The following TSPOAP1 variants were observed in gnomAD, a reference collection of about 807,000 sequenced individuals.
TSPOAP1 encodes the protein TSPO associated protein 1.
A neutral mutation model predicts 197.0 loss-of-function variants in TSPOAP1; 87 were observed. The ratio of observed to expected loss-of-function variants is 0.44; its 90% CI spans 0.37 to 0.53. The LOEUF is 0.53. TSPOAP1 is among the 20% of genes least tolerant of loss of function. The pLI, the probability that TSPOAP1 is intolerant of heterozygous loss-of-function variation, is 0.00. For missense variants in TSPOAP1, 2,174 were observed against 2,411.3 expected (o/e 0.90, Z 2.06); for synonymous variants, 913 against 998.9 (o/e 0.91, Z 1.62).
chr17:58,307,057 CA>C (rs1970920398), intron 24 of TSPOAP1, 89 bp from the exon 25 acceptor site: 3 of 1,374,808 alleles, frequency 2.2e-6, no homozygotes, highest in Non-Finnish European at 3.0e-6. Flanking sequence ...CTTGGAAATG[CA>C]GAAGAATGTT....
Position 58,309,840 on chromosome 17 carries a change from C to T in TSPOAP1, c.3891+127G>A, listed in dbSNP as rs1971025758. On this transcript the variant is annotated intron_variant, in intron 21 of 31. Coordinates refer to ENST00000343736, the MANE Select transcript of TSPOAP1 (RefSeq NM_004758.4). This position sits in a 1 kb window ranked among gnomAD's most constrained non-coding sequence, Gnocchi z 5.0. ...GGCACTTCCTATCTTCTGCTTAGGA[C>T]AGGGCCCAGGCCACAGACCTAGAAT... The T allele has an allele frequency of 4.7e-6, 6 of 1,283,524 alleles. No homozygotes were observed. Among genetic ancestry groups the T allele is most frequent in the Non-Finnish European group, 6.4e-6 (6 of 935,342 alleles). The allele number at this position is 1,283,524 out of a possible 1,614,324, so 79.5% of individuals were successfully genotyped here.
Position 58,326,833 on chromosome 17 carries a change from G to C in TSPOAP1, c.334-43C>G. The C allele has an allele frequency of 6.5e-7, 1 of 1,538,720 alleles. No homozygotes were observed. Among genetic ancestry groups the C allele is most frequent in the Non-Finnish European group, 9.0e-7 (1 of 1,112,634 alleles). Reference sequence around the variant, plus strand: ...CGAGGACAGCACCTCAGAAACCCACGTCACCCAGCCAGAGCCTTCCCTGTG... The same window carrying C: ...CGAGGACAGCACCTCAGAAACCCACCTCACCCAGCCAGAGCCTTCCCTGTG... On this transcript the variant is annotated intron_variant, in intron 1 of 31. Transcript: ENST00000343736. This position sits in a 1 kb window ranked among gnomAD's most constrained non-coding sequence, Gnocchi z 4.7.
chr17:58,309,295 C>G lies in TSPOAP1; in HGVS notation c.3977G>C (p.Ser1326Thr). Residue 1326 changes from serine (S) to threonine (T), a missense_variant, in exon 22 of 32, where the codon AGC becomes ACC. This residue lies in a region of TSPOAP1 where 1,933 missense variants were observed against 2,139.0 expected (regional missense o/e 0.90). Transcript: ENST00000343736. The surrounding 1 kb of genome is among the most constrained non-coding windows in gnomAD (Gnocchi z 5.0). ...CTCCGGGATGCTAAAGAGCTTCTTGCTACAGAACTGCTGGAGGGGCAGCTC... is the reference window on the plus strand; with the variant it reads ...CTCCGGGATGCTAAAGAGCTTCTTGGTACAGAACTGCTGGAGGGGCAGCTC... ...ILELPLQQFC[S>T]KKLFSIPEEE... 3 of 1,613,828 alleles carry G rather than the reference C, an allele frequency of 1.9e-6. No homozygotes were observed. Among genetic ancestry groups the G allele is most frequent in the Non-Finnish European group, 2.5e-6 (3 of 1,180,000 alleles).
In TSPOAP1 at chr17:58,327,800, T is replaced by C; in HGVS notation, c.121A>G (p.Ser41Gly). The change falls in exon 1 of 32, where the codon AGC (serine) becomes GGC (glycine). Residue 41 changes from serine (S) to glycine (G), a missense_variant. Ser to Gly is a moderately conservative substitution (Grantham distance 56). Transcript: ENST00000343736. ...GCTGCCGGAGGAGTATCAGCGATGC[T>C]TGGGGCTGCACTGCTAGGTTCACCC... ...RGGEPSSAAP[S>G]IADTPPAALQ... is the part of the protein sequence containing the mutation. 6.2e-7 allele frequency: 1 copy of C among 1,614,156 alleles called. No homozygotes were observed. The highest frequency in any genetic ancestry group is 1.3e-5 in the African/African-American group (1 of 75,054).
At chr17:58,311,400 G>A in intron 18 of TSPOAP1, 171 bp downstream of exon 18, 1 of 1,245,600 alleles carries the variant, frequency 8.0e-7, no homozygotes, top group Non-Finnish European at 1.1e-6. Context: ...TGATGGAACA[G>A]TTCTAAAATC....
Position 58,304,995 on chromosome 17 carries a change from T to C in TSPOAP1, c.5544+66A>G. 2.4e-6 allele frequency: 3 copies of C among 1,250,954 alleles called. No homozygotes were observed. The highest frequency in any genetic ancestry group is 3.5e-6 in the Non-Finnish European group (3 of 848,718). The allele number at this position is 1,250,954 out of a possible 1,614,324, so 77.5% of individuals were successfully genotyped here. A position where few individuals can be genotyped will look rare whatever the true frequency, so the allele number is the denominator to read the frequency against. On this transcript the variant is annotated intron_variant, in intron 30 of 31. Transcript: ENST00000343736. This position sits in a 1 kb window ranked among gnomAD's most constrained non-coding sequence, Gnocchi z 4.2. Reference sequence around the variant, plus strand: ...CTGCACCCCTGCCGCAACACTGCCCTGGCCCTACCACCCCACCAGTAGGGT... The same window carrying C: ...CTGCACCCCTGCCGCAACACTGCCCCGGCCCTACCACCCCACCAGTAGGGT...
intron 26 of TSPOAP1, 86 bp downstream of exon 26, chr17:58,306,256 C>T: frequency 7.6e-7 from 1 of 1,316,830 alleles, no homozygotes; most frequent in Non-Finnish European, 1.1e-6. Context: ...CCTCCCAGCA[C>T]CTGAGAGAAA....
intron 25 of TSPOAP1, 180 bp from the exon 26 acceptor site, chr17:58,306,593 G>T: frequency 1.1e-6 from 1 of 890,606 alleles, no homozygotes; most frequent in Non-Finnish European, 1.7e-6. Context: ...TGGCTGCATG[G>T]CTGTATTCCC....
rs1331433914 is a variant in TSPOAP1 at position 58,307,726 on chromosome 17, T to C, written c.4868A>G (p.Gln1623Arg). 6.2e-7 allele frequency: 1 copy of C among 1,614,068 alleles called. No homozygotes were observed. The highest frequency in any genetic ancestry group is 1.7e-5 in the Admixed American group (1 of 60,012). Reference protein sequence around the residue: ...ARSPSETLAYQHLPVRIFVAL... With the variant: ...ARSPSETLAYRHLPVRIFVAL... The stretch of plus-strand genomic sequence containing the variant: ...CACAAAGATCCTGACGGGTAGGTGC[T>C]GGTAAGCCAGTGTTTCTGAGGGGCT... Residue 1623 changes from glutamine to arginine, a missense_variant, in exon 24 of 32, where the codon CAG becomes CGG. Gln to Arg is a conservative substitution (Grantham distance 43). Around this residue, in one of 5 missense-constraint regions of TSPOAP1, gnomAD observed 1,933 missense variants for 2,139.0 expected, o/e 0.90. Transcript: ENST00000343736.
At chr17:58,321,091 G>A (rs76659428) in intron 10 of TSPOAP1, among the ~76,000 whole-genome samples, 15,009 of 152,150 alleles carry the variant, frequency 0.099, 763 homozygotes, top group Middle Eastern at 0.16. Flanking sequence ...CCAAGTGCCT[G>A]TGGACAGCTC....
At chr17:58,310,208 A>G in intron 20 of TSPOAP1, 50 bp from the exon 21 acceptor site, 1 of 1,557,728 alleles carries the variant, frequency 6.4e-7, no homozygotes, top group Non-Finnish European at 8.7e-7. Flanking sequence ...GAGGGGGCAC[A>G]GGGGGTTCCA....
At chr17:58,315,996 C>T (rs755829287) in intron 16 of TSPOAP1, 27 bp downstream of exon 16, 2 of 1,553,450 alleles carry the variant, frequency 1.3e-6, no homozygotes, top group East Asian at 2.2e-5. Flanking sequence ...GGGGAATGGA[C>T]AGAATGACCC....
intron 20 of TSPOAP1, 59 bp downstream of exon 20, chr17:58,310,453 A>G (rs1971044636): frequency 6.3e-7 from 1 of 1,589,750 alleles, no homozygotes; most frequent in Admixed American, 1.7e-5. Flanking sequence ...GCGCTGGCAA[A>G]AGGTAGGGAG....
chr17:58,310,701 G>T lies in TSPOAP1; in HGVS notation c.3510C>A (p.Ser1170Arg), dbSNP rs1376047655. 6.2e-7 allele frequency: 1 copy of T among 1,612,928 alleles called. No homozygotes were observed. The highest frequency in any genetic ancestry group is 1.1e-5 in the South Asian group (1 of 91,034). The change falls in exon 20 of 32, where the codon AGC becomes AGA. Residue 1170 changes from serine to arginine, a missense_variant. Transcript: ENST00000343736. ...VLGTSEERTA[S>R]TSTLGEKDPG... ...GGTCCTTCTCACCCAGGGTAGATGTGCTGGCTGTCCTCTCCTCTGAGGTGC... is the reference window on the plus strand; with the variant it reads ...GGTCCTTCTCACCCAGGGTAGATGTTCTGGCTGTCCTCTCCTCTGAGGTGC...
In TSPOAP1 at chr17:58,310,060, C is replaced by T. The variant is rs767586652; in HGVS notation, c.3798G>A (p.Glu1266=). 5.0e-6 allele frequency: 8 copies of T among 1,613,380 alleles called. No homozygotes were observed. The South Asian group carries it at 8.8e-5, about 18-fold the overall frequency. ...GCTCCTCTTCCTCCTCCTCCTCCTC[C>T]TCTTCCTCTTCCTCCTGGATGTCTG... ...DLSDIQEEEE[E]EEEEEEEELG... is the part of the protein sequence containing the mutation. Residue 1266 remains glutamate (E), a synonymous_variant, in exon 21 of 32, where the codon GAG becomes GAA. Transcript: ENST00000343736.
In TSPOAP1 at chr17:58,319,217, A is replaced by G. The variant is rs1456591652; in HGVS notation, c.1572T>C (p.Ala524=). The G allele has an allele frequency of 3.1e-6, 5 of 1,597,864 alleles. No homozygotes were observed. Among genetic ancestry groups the G allele is most frequent in the Non-Finnish European group, 4.3e-6 (5 of 1,172,424 alleles). The part of the protein sequence containing the change: ...QFSLLAQELQ[A]FRLHPGPLDL... ...CCAAGGGGCCCGGGTGCAGGCGGAA[A>G]GCCTGGAGTTCCTGTGCCAGGAGGC... Residue 524 remains alanine (A), a synonymous_variant, in exon 13 of 32, where the codon GCT becomes GCC. Transcript: ENST00000343736.
At position 58,322,799 on chromosome 17, in the gene TSPOAP1, G is replaced by C; in HGVS notation, c.1195-23C>G. On this transcript the variant is annotated intron_variant, in intron 8 of 31. Transcript: ENST00000343736. This position sits in a 1 kb window ranked among gnomAD's most constrained non-coding sequence, Gnocchi z 5.0. ...CACCTGGCGAGGGGGCAGTGACAGG[G>C]AGTTGGGTGGGTGAGCCTTGACCCA... The C allele has an allele frequency of 6.2e-7, 1 of 1,611,984 alleles. No homozygotes were observed.
Position 58,327,926 on chromosome 17 carries a change from T to A in TSPOAP1, c.-6A>T. 1 of 1,586,766 alleles carries A rather than the reference T, an allele frequency of 6.3e-7. No individual in the cohort carries two copies. The highest frequency in any genetic ancestry group is 8.6e-7 in the Non-Finnish European group (1 of 1,162,314). On this transcript the variant is annotated 5_prime_UTR_variant, in exon 1 of 32. Coordinates refer to ENST00000343736, the MANE Select transcript of TSPOAP1 (RefSeq NM_004758.4). Reference sequence around the variant, plus strand: ...AGGGTTGTCAGTTGCTCCATGGTACTGCCAAGGGGCCCCAGAACCCGGGCC... The same window carrying A: ...AGGGTTGTCAGTTGCTCCATGGTACAGCCAAGGGGCCCCAGAACCCGGGCC...
intron 15 of TSPOAP1, 82 bp from the exon 16 acceptor site, chr17:58,316,214 T>C: frequency 7.8e-7 from 1 of 1,277,590 alleles, no homozygotes; most frequent in Admixed American, 1.7e-5. Context: ...CCCACTGCAC[T>C]GAGCCTTTAC....
Sources: allele counts gnomAD v4.1 joint callset (sites outside exome capture counted in the v4.1 genomes callset), GRCh38; gene constraint gnomAD v4.1.1; regional missense constraint gnomAD v4.1.1; non-coding constraint Gnocchi (gnomAD v3.1); transcripts MANE v1.5; gene names NCBI Gene and HGNC (gene_info 2026-07-23, HGNC 2026-07-21).